RABGAP1L: variants seen among roughly 807,000 people sequenced by gnomAD.
RABGAP1L encodes the protein rab GTPase-activating protein 1-like.
A neutral mutation model predicts 137.7 loss-of-function variants in RABGAP1L; 63 were observed. The observed-to-expected ratio is 0.46, with a 90% CI of 0.37 to 0.56. RABGAP1L has a LOEUF of 0.56. RABGAP1L is among the 20% of genes least tolerant of loss of function. The pLI is 0.00. For synonymous variants in RABGAP1L, 431 were observed against 433.7 expected (o/e 0.99, Z 0.08); for missense variants, 1,095 against 1,244.0 (o/e 0.88, Z 1.80).
intron 14 of RABGAP1L, among the ~76,000 whole-genome samples, chr1:174,670,772 C>T (rs1401902907): frequency 6.6e-6 from 1 of 152,130 alleles, no homozygotes; most frequent in East Asian, 1.9e-4. Flanking sequence ...ATGTGTACCA[C>T]ATATTCTTTT....
At chr1:174,518,268 G>C (rs558882648) in intron 13 of RABGAP1L, among the ~76,000 whole-genome samples, 1 of 152,094 alleles carries the variant, frequency 6.6e-6, no homozygotes, top group Non-Finnish European at 1.5e-5. Flanking sequence ...TGAACTATCC[G>C]TATAAAGCCT....
At chr1:174,699,209 TC>T (rs1297667369) in intron 15 of RABGAP1L, among the ~76,000 whole-genome samples, 2 of 152,108 alleles carry the variant, frequency 1.3e-5, no homozygotes, top group Non-Finnish European at 2.9e-5. Context: ...GTCAGGCTGG[TC>T]TCGAACTCCT....
intron 20 of RABGAP1L, chr1:174,964,783 A>AT (rs552808301): frequency 9.6e-6 from 13 of 1,360,178 alleles, no homozygotes; most frequent in Non-Finnish European, 1.1e-5. Context: ...TCTTTGTTCC[A>AT]TTGAATGTTT....
intron 14 of RABGAP1L, among the ~76,000 whole-genome samples, chr1:174,665,769 C>T (rs1676746393): frequency 1.3e-5 from 2 of 152,186 alleles, no homozygotes; most frequent in Admixed American, 1.3e-4. Flanking sequence ...CCAGCCTTAG[C>T]TTCTTTATCT....
At chr1:174,291,192 A>C (rs1324328021) in intron 10 of RABGAP1L, among the ~76,000 whole-genome samples, 2 of 152,060 alleles carry the variant, frequency 1.3e-5, no homozygotes, top group East Asian at 3.9e-4. Context: ...AACAGTGTTG[A>C]AACTCTATCA....
intron 13 of RABGAP1L, among the ~76,000 whole-genome samples, chr1:174,616,385 A>G (rs1341439098): frequency 6.6e-6 from 1 of 152,234 alleles, no homozygotes; most frequent in Non-Finnish European, 1.5e-5. Context: ...TTAAAACTTG[A>G]GTCTGTCTCC....
chr1:174,502,929 A>G (rs184705691), intron 13 of RABGAP1L, among the ~76,000 whole-genome samples: 47 of 152,324 alleles, frequency 3.1e-4, no homozygotes, highest in African/African-American at 1.1e-3. Context: ...ATAAATAGTG[A>G]TTAACCTAAA....
At chr1:174,655,900 G>A (rs1282391757) in intron 14 of RABGAP1L, among the ~76,000 whole-genome samples, 2 of 152,062 alleles carry the variant, frequency 1.3e-5, no homozygotes, top group African/African-American at 2.4e-5. Flanking sequence ...GATGTTCCAG[G>A]CTTATGTCTC....
intron 13 of RABGAP1L, among the ~76,000 whole-genome samples, chr1:174,585,513 T>C (rs1669051928): frequency 6.6e-6 from 1 of 152,332 alleles, no homozygotes; most frequent in East Asian, 1.9e-4. Flanking sequence ...CCAGATCCAG[T>C]AGATTTGCTG....
intron 13 of RABGAP1L, among the ~76,000 whole-genome samples, chr1:174,414,212 A>G (rs1469678214): frequency 1.3e-5 from 2 of 151,908 alleles, no homozygotes; most frequent in African/African-American, 4.8e-5. Context: ...CATGTTTTTC[A>G]TGTTATCACA....
At chr1:174,788,195 GA>G (rs1044184548) in intron 18 of RABGAP1L, among the ~76,000 whole-genome samples, 3 of 152,164 alleles carry the variant, frequency 2.0e-5, no homozygotes, top group African/African-American at 7.2e-5. Context: ...GACTTGCGAC[GA>G]AAGTAACCAG....
In RABGAP1L at chr1:174,391,584, C is replaced by T. The variant is rs148777465; in HGVS notation, c.1560-2411C>T. On this transcript the variant is annotated intron_variant, in intron 12 of 25. Coordinates refer to ENST00000681986, the MANE Select transcript of RABGAP1L (RefSeq NM_001366446.1). ...TCTGAACGCCTGGGCTCAAACGATC[C>T]GCCTGCTTTGGCCTCCCAAAGTGCT... 4.2e-3 allele frequency among the ~76,000 whole-genome samples: 643 copies of T among 152,248 alleles called. 4 individuals are homozygous for T. Among genetic ancestry groups the T allele is most frequent in the African/African-American group, 0.012 (510 of 41,542 alleles).
chr1:174,388,025 T>C (rs1352102175), intron 12 of RABGAP1L, among the ~76,000 whole-genome samples: 1 of 152,094 alleles, frequency 6.6e-6, no homozygotes, highest in Non-Finnish European at 1.5e-5. Flanking sequence ...AATTTCTTTT[T>C]GAAACATTCG....
intron 13 of RABGAP1L, among the ~76,000 whole-genome samples, chr1:174,540,208 G>A (rs960633604): frequency 1.3e-5 from 2 of 151,930 alleles, no homozygotes; most frequent in Non-Finnish European, 2.9e-5. Flanking sequence ...TTGTCAGATG[G>A]GTAGATTGTA....
intron 14 of RABGAP1L, among the ~76,000 whole-genome samples, chr1:174,661,055 G>C (rs1676337224): frequency 6.6e-6 from 1 of 152,194 alleles, no homozygotes; most frequent in Non-Finnish European, 1.5e-5. Context: ...GGAAAGAAAT[G>C]AAAGTTTAGG....
chr1:174,227,392 G>C (rs994581058), intron 3 of RABGAP1L, among the ~76,000 whole-genome samples: 2 of 151,078 alleles, frequency 1.3e-5, no homozygotes, highest in African/African-American at 2.4e-5. Context: ...TAGTAGAGAT[G>C]GGGTTTCACC....
At chr1:174,758,845 T>C (rs1335225778) in intron 18 of RABGAP1L, among the ~76,000 whole-genome samples, 1 of 152,162 alleles carries the variant, frequency 6.6e-6, no homozygotes, top group Non-Finnish European at 1.5e-5. Flanking sequence ...GTACTTTTCA[T>C]CTAGTAACCT....
chr1:174,590,358 T>A (rs1669510585), intron 13 of RABGAP1L, among the ~76,000 whole-genome samples: 1 of 147,990 alleles, frequency 6.8e-6, no homozygotes, highest in African/African-American at 2.5e-5. Flanking sequence ...ATTTATTTTT[T>A]TTTTATTATA....
At chr1:174,708,934 C>T (rs746590766) in intron 17 of RABGAP1L, among the ~76,000 whole-genome samples, 2 of 152,200 alleles carry the variant, frequency 1.3e-5, no homozygotes, top group African/African-American at 4.8e-5. Flanking sequence ...TTGAAATTCT[C>T]ACTGCCAGCA....
Sources: gnomAD v4.1 joint callset for allele counts (sites outside exome capture counted in the v4.1 genomes callset) on GRCh38, gnomAD v4.1.1 for gene constraint, MANE v1.5 for transcripts, NCBI Gene and HGNC (gene_info 2026-07-23, HGNC 2026-07-21) for gene names.